The following CFAP54 variants were observed in gnomAD, a reference collection of about 807,000 sequenced individuals.
The protein encoded by CFAP54 is cilia- and flagella-associated protein 54.
A neutral mutation model predicts 370.4 loss-of-function variants in CFAP54; 290 were observed. The ratio of observed to expected loss-of-function variants is 0.78; its 90% CI spans 0.71 to 0.86. The LOEUF (loss-of-function observed/expected upper bound fraction) is 0.86. Ranked by LOEUF, CFAP54 falls within the 40% of genes least tolerant of loss-of-function variation. The pLI, the probability that CFAP54 is intolerant of heterozygous loss-of-function variation, is 0.00. For missense variants in CFAP54, 3,399 were observed against 3,528.7 expected (o/e 0.96, Z 0.93); for synonymous variants, 1,206 against 1,236.5 (o/e 0.98, Z 0.52).
rs1294657992 is a variant in CFAP54, at chr12:96,746,611, T to G, written c.7684+2465T>G. ...CATAATTACCTTTCTATTTCCCTAGTCTATCCTTTAAGTAAATGATCTCTA... is the reference window on the plus strand; with the variant it reads ...CATAATTACCTTTCTATTTCCCTAGGCTATCCTTTAAGTAAATGATCTCTA... On this transcript the variant is annotated intron_variant, in intron 55 of 67. Coordinates refer to ENST00000524981, the MANE Select transcript of CFAP54 (RefSeq NM_001306084.2). Among the ~76,000 whole-genome samples the G allele has an allele frequency of 2.0e-5, 3 of 152,228 alleles. No individual in the cohort carries two copies. The East Asian group carries it at 5.8e-4, about 29-fold the overall frequency.
intron 32 of CFAP54, among the ~76,000 whole-genome samples, chr12:96,634,237 G>A (rs1009140847): frequency 2.6e-5 from 4 of 151,366 alleles, no homozygotes; most frequent in Non-Finnish European, 5.9e-5. Context: ...TGTATTTTTA[G>A]TAGAGACGGG....
chr12:96,597,613 C>T (rs190593466), intron 25 of CFAP54, among the ~76,000 whole-genome samples: 1 of 151,636 alleles, frequency 6.6e-6, no homozygotes, highest in Admixed American at 6.6e-5. Flanking sequence ...TATTATGCAG[C>T]CATTAGAAAC....
At chr12:96,581,231 A>G in intron 22 of CFAP54, 126 bp downstream of exon 22, 3 of 579,914 alleles carry the variant, frequency 5.2e-6, no homozygotes, top group Non-Finnish European at 7.8e-6. Context: ...CATATTATCC[A>G]TTACTACAGT....
intron 39 of CFAP54, among the ~76,000 whole-genome samples, chr12:96,667,891 A>G (rs1313625085): frequency 6.6e-6 from 1 of 152,094 alleles, no homozygotes; most frequent in Non-Finnish European, 1.5e-5. Flanking sequence ...TACTCCTTAG[A>G]AATTTCTTCT....
chr12:96,712,070 T>C (rs1957622155), intron 48 of CFAP54, among the ~76,000 whole-genome samples: 1 of 152,180 alleles, frequency 6.6e-6, no homozygotes, highest in South Asian at 2.1e-4. Context: ...TTTCCTACTT[T>C]TATGATTTGA....
intron 22 of CFAP54, among the ~76,000 whole-genome samples, chr12:96,584,743 C>T (rs1956060320): frequency 6.6e-6 from 1 of 152,018 alleles, no homozygotes; most frequent in South Asian, 2.1e-4. Flanking sequence ...GGAACCAGCT[C>T]AGCTTGGGGT....
intron 58 of CFAP54, among the ~76,000 whole-genome samples, chr12:96,759,243 A>G (rs1958305593): frequency 6.6e-6 from 1 of 151,742 alleles, no homozygotes; most frequent in Admixed American, 6.6e-5. Context: ...TGCAAACTAG[A>G]AAAAGTTACT....
chr12:96,597,995 G>A (rs1403201865), intron 25 of CFAP54, among the ~76,000 whole-genome samples: 1 of 151,754 alleles, frequency 6.6e-6, no homozygotes, highest in Non-Finnish European at 1.5e-5. Context: ...TAGAATGAGA[G>A]CTTGAAGCAA....
At chr12:96,723,740 C>T (rs976327935) in intron 50 of CFAP54, among the ~76,000 whole-genome samples, 7 of 150,786 alleles carry the variant, frequency 4.6e-5, no homozygotes, top group African/African-American at 1.7e-4. Context: ...AGGTTAGTTA[C>T]ATATGTATAC....
intron 60 of CFAP54, among the ~76,000 whole-genome samples, chr12:96,765,945 G>A (rs1261680639): frequency 1.3e-5 from 2 of 152,050 alleles, no homozygotes; most frequent in Non-Finnish European, 2.9e-5. Context: ...AGTGCTTCTT[G>A]TGTGCTAAGC....
chr12:96,788,235 T>G (rs904779865), intron 62 of CFAP54, among the ~76,000 whole-genome samples: 2 of 152,186 alleles, frequency 1.3e-5, no homozygotes, highest in African/African-American at 4.8e-5. Context: ...CATTTGGAAC[T>G]TCTGTCTGTG....
chr12:96,815,513 A>G lies in CFAP54; in HGVS notation c.8958-2262A>G, dbSNP rs572286735. On this transcript the variant is annotated intron_variant, in intron 64 of 67. Coordinates refer to ENST00000524981, the MANE Select transcript of CFAP54 (RefSeq NM_001306084.2). ...CTCCCGCTCTGTAGGTTGCCTGTTCACTCTGTAGGTTGCCTGTGGTTTCTT... is the reference window on the plus strand; with the variant it reads ...CTCCCGCTCTGTAGGTTGCCTGTTCGCTCTGTAGGTTGCCTGTGGTTTCTT... Among the ~76,000 whole-genome samples, 28 of 151,870 alleles carry G rather than the reference A, an allele frequency of 1.8e-4. No homozygotes were observed. In the East Asian group the frequency reaches 2.9e-3, roughly 16 times the overall value.
At chr12:96,813,365 G>A (rs1296719323) in intron 64 of CFAP54, among the ~76,000 whole-genome samples, 1 of 151,992 alleles carries the variant, frequency 6.6e-6, no homozygotes, top group Non-Finnish European at 1.5e-5. Context: ...TTCTTATGAG[G>A]CTCAAGATTA....
At chr12:96,537,147 A>G (rs1955515622) in intron 12 of CFAP54, among the ~76,000 whole-genome samples, 1 of 152,128 alleles carries the variant, frequency 6.6e-6, no homozygotes, top group South Asian at 2.1e-4. Context: ...TATTTTTCTA[A>G]TTTAGCTATA....
At chr12:96,732,221 G>A (rs1957929253) in intron 50 of CFAP54, among the ~76,000 whole-genome samples, 1 of 152,108 alleles carries the variant, frequency 6.6e-6, no homozygotes, top group South Asian at 2.1e-4. Flanking sequence ...TGCCTCCTGG[G>A]TTCAAATGAT....
rs377049378 is a variant in CFAP54, at chr12:96,651,766, A to T, written c.5051A>T (p.Glu1684Val). 8.1e-6 allele frequency: 13 copies of T among 1,613,034 alleles called. No individual in the cohort carries two copies. The African/African-American group carries it at 1.7e-4, about 22-fold the overall frequency. Reference sequence around the variant, plus strand: ...GTTTTACCATTCTATTTGGGAGCAGAATTACTTATTGACATGTTAATACAA... The same window carrying T: ...GTTTTACCATTCTATTTGGGAGCAGTATTACTTATTGACATGTTAATACAA... ...TSVLPFYLGAELLIDMLIQLQ... is the reference protein window; with the variant it reads ...TSVLPFYLGAVLLIDMLIQLQ... The change falls in exon 36 of 68, where the codon GAA becomes GTA. Residue 1684 changes from glutamate to valine, a missense_variant. Coordinates refer to ENST00000524981, the MANE Select transcript of CFAP54 (RefSeq NM_001306084.2).
At position 96,592,535 on chromosome 12, in the gene CFAP54, C is replaced by A; in HGVS notation, c.3258C>A (p.Tyr1086Ter). ...ILAETSSILL[Y>*]LFLRNIFVTS... ...CAGAGACTTCTTCAATCCTCTTGTA[C>A]CTTTTTCTTAGAAATATTTTTGTAA... Residue 1086 changes from tyrosine (Y) to a stop codon, truncating the protein, a stop_gained, in exon 24 of 68, where the codon TAC becomes TAA. Transcript: ENST00000524981. LOFTEE classifies it high-confidence loss of function. The A allele has an allele frequency of 1.9e-6, 2 of 1,028,402 alleles. No homozygotes were observed. Among genetic ancestry groups the A allele is most frequent in the Non-Finnish European group, 2.8e-6 (2 of 724,412 alleles). 63.7% of individuals were successfully genotyped at this position (1,028,402 alleles called of 1,614,324 possible).
At position 96,744,166 on chromosome 12, in the gene CFAP54, T is replaced by C. The variant is rs759518232; in HGVS notation, c.7684+20T>C. The C allele has an allele frequency of 1.3e-6, 2 of 1,588,016 alleles. No homozygotes were observed. Among genetic ancestry groups the C allele is most frequent in the East Asian group, 2.2e-5 (1 of 44,634 alleles). On this transcript the variant is annotated intron_variant, in intron 55 of 67. Transcript: ENST00000524981. ...GAATTGGTAAGAACATTTAAACTTA[T>C]ATTGCCCTAGAATAACTGATAAAAC... is the stretch of plus-strand genomic sequence containing the variant.
rs1352157710 is a variant in CFAP54, at chr12:96,589,408, T to C, written c.3076-19T>C. ...TTCACGAATAAAACTATTACATAAA[T>C]ATGTGCTTTTTGTTATAGGTTGCCT... On this transcript the variant is annotated intron_variant, in intron 22 of 67. Transcript: ENST00000524981. 1.3e-6 allele frequency: 2 copies of C among 1,503,380 alleles called. No individual in the cohort carries two copies. Among genetic ancestry groups the C allele is most frequent in the Admixed American group, 2.0e-5 (1 of 48,954 alleles). 93.1% of individuals were successfully genotyped at this position (1,503,380 alleles called of 1,614,324 possible).
Sources: allele counts gnomAD v4.1 joint callset (sites outside exome capture counted in the v4.1 genomes callset), GRCh38; gene constraint gnomAD v4.1.1; transcripts MANE v1.5; gene names NCBI Gene and HGNC (gene_info 2026-07-23, HGNC 2026-07-21).